SLC4A4: variants seen among roughly 807,000 people sequenced by gnomAD.
SLC4A4 encodes electrogenic sodium bicarbonate cotransporter 1.
In SLC4A4, 27 loss-of-function variants were observed where a neutral mutation model predicts 111.5. The ratio of observed to expected loss-of-function variants is 0.24; its 90% CI spans 0.18 to 0.33. The LOEUF (loss-of-function observed/expected upper bound fraction) is 0.33. Among genes scored for constraint, SLC4A4 ranks in the 10% least tolerant of loss-of-function variants. The pLI is 1.00. For missense variants in SLC4A4, 909 were observed against 1,315.5 expected (o/e 0.69, Z 4.78); for synonymous variants, 443 against 463.4 (o/e 0.96, Z 0.57).
chr4:71,410,207 G>C (rs1721245430), intron 7 of SLC4A4, among the ~76,000 whole-genome samples: 1 of 152,150 alleles, frequency 6.6e-6, no homozygotes, highest in Admixed American at 6.5e-5. Context: ...GTGAGAAGAG[G>C]GCTACTGTCC....
chr4:71,457,766 A>G (rs1229725075), intron 12 of SLC4A4, among the ~76,000 whole-genome samples: 1 of 152,074 alleles, frequency 6.6e-6, no homozygotes, highest in African/African-American at 2.4e-5. Context: ...TATTGCAGTC[A>G]TTCCTCGATA....
chr4:71,309,880 C>G (rs1210591104), intron 3 of SLC4A4, among the ~76,000 whole-genome samples: 4 of 151,630 alleles, frequency 2.6e-5, no homozygotes, highest in African/African-American at 9.7e-5. Context: ...AATAATAAAC[C>G]CCTCTGAGCT....
At position 71,447,721 on chromosome 4, in the gene SLC4A4, G is replaced by C. The variant is rs764872554; in HGVS notation, c.1041G>C (p.Leu347=). The C allele has an allele frequency of 5.6e-6, 9 of 1,606,754 alleles. No individual in the cohort carries two copies. In the South Asian group the frequency reaches 6.6e-5, roughly 12 times the overall value. Residue 347 remains leucine (L), a synonymous_variant, in exon 9 of 26, where the codon CTG becomes CTC. Transcript: ENST00000264485. The part of the protein sequence containing the change: ...YHEIGRAIAT[L]MSDEVFHDIA... Reference sequence around the variant, plus strand: ...AGATTGGCAGAGCCATTGCCACCCTGATGTCTGATGAGGTAGGAAATCAGG... The same window carrying C: ...AGATTGGCAGAGCCATTGCCACCCTCATGTCTGATGAGGTAGGAAATCAGG...
chr4:71,470,742 C>T (rs561555005), intron 13 of SLC4A4, among the ~76,000 whole-genome samples: 1 of 152,106 alleles, frequency 6.6e-6, no homozygotes, highest in African/African-American at 2.4e-5. Flanking sequence ...AGGCTGGAGA[C>T]CCAGGGGAGC....
chr4:71,276,235 C>T (rs560784104), intron 3 of SLC4A4, among the ~76,000 whole-genome samples: 12 of 152,260 alleles, frequency 7.9e-5, no homozygotes, highest in Middle Eastern at 3.4e-3. Context: ...AGTCCATTTC[C>T]CCAATGGTTA....
chr4:71,161,326 A>G (rs1744611582), intron 2 of SLC4A4, among the ~76,000 whole-genome samples: 2 of 152,338 alleles, frequency 1.3e-5, no homozygotes, highest in South Asian at 4.1e-4. Context: ...ACGAACACTT[A>G]TTGCCCTAGC....
intron 13 of SLC4A4, among the ~76,000 whole-genome samples, chr4:71,471,753 C>G (rs1458586075): frequency 1.3e-5 from 2 of 151,880 alleles, no homozygotes; most frequent in African/African-American, 4.8e-5. Flanking sequence ...AGTTGTGAAT[C>G]TTGAACTATT....
At chr4:71,546,577 A>G in intron 19 of SLC4A4, 49 bp downstream of exon 19, 2 of 1,484,756 alleles carry the variant, frequency 1.3e-6, no homozygotes, top group South Asian at 1.1e-5. Flanking sequence ...CTGTGCACAC[A>G]TCTATGTGGC....
intron 6 of SLC4A4, among the ~76,000 whole-genome samples, chr4:71,393,567 A>G (rs1719515886): frequency 6.6e-6 from 1 of 152,210 alleles, no homozygotes; most frequent in Non-Finnish European, 1.5e-5. Flanking sequence ...TAGAATCTAT[A>G]TTGTGAAAAT....
intron 2 of SLC4A4, among the ~76,000 whole-genome samples, chr4:71,128,009 G>A (rs976285397): frequency 1.3e-5 from 2 of 152,202 alleles, no homozygotes; most frequent in African/African-American, 2.4e-5. Flanking sequence ...TCGCTTGAGC[G>A]TGGGAGGCAG....
intron 16 of SLC4A4, among the ~76,000 whole-genome samples, chr4:71,526,746 T>C (rs1004568397): frequency 2.6e-5 from 4 of 151,982 alleles, no homozygotes; most frequent in Admixed American, 2.6e-4. Context: ...TGGGCCTCAG[T>C]GGGCTAAAAT....
chr4:71,503,782 A>T (rs1168903002), intron 16 of SLC4A4, among the ~76,000 whole-genome samples: 1 of 152,120 alleles, frequency 6.6e-6, no homozygotes, highest in Non-Finnish European at 1.5e-5. Flanking sequence ...TGAGTTTTAT[A>T]CTTTCATGTA....
In SLC4A4 at chr4:71,195,230, GTTTTTTT is replaced by G. The variant is rs66527038; in HGVS notation, c.-2+7848_-2+7854del. Among the ~76,000 whole-genome samples the G allele has an allele frequency of 3.6e-3, 337 of 93,198 alleles. 5 individuals are homozygous for G. The highest frequency in any genetic ancestry group is 0.013 in the African/African-American group (319 of 25,072). The allele number at this position is 93,198 out of a possible 152,430, so 61.1% of individuals were successfully genotyped here. A position where few individuals can be genotyped will look rare whatever the true frequency, so the allele number is the denominator to read the frequency against. On this transcript the variant is annotated intron_variant, in intron 1 of 25. Transcript: ENST00000264485. ...TCTTTTCCTTTTTTCCTGTATTTGA[GTTTTTTT>G]TTTTTTTTTTTTTTTTTTAAAGAGC...
chr4:71,208,197 G>A lies in SLC4A4; in HGVS notation c.-2+20796G>A, dbSNP rs984008793. Among the ~76,000 whole-genome samples, 7 of 152,072 alleles carry A rather than the reference G, an allele frequency of 4.6e-5. No homozygotes were observed. The East Asian group carries it at 5.8e-4, about 13-fold the overall frequency. Reference sequence around the variant, plus strand: ...TATAATCCCAGCACTTTGGGAGGCCGAGGCAGGCGGATCACGAGGTCAGGA... The same window carrying A: ...TATAATCCCAGCACTTTGGGAGGCCAAGGCAGGCGGATCACGAGGTCAGGA... On this transcript the variant is annotated intron_variant, in intron 1 of 25. Coordinates refer to ENST00000264485, the MANE Select transcript of SLC4A4 (RefSeq NM_001098484.3).
chr4:71,116,930 C>T (rs368940706), intron 2 of SLC4A4, among the ~76,000 whole-genome samples: 7 of 146,348 alleles, frequency 4.8e-5, no homozygotes, highest in East Asian at 2.0e-4. Flanking sequence ...GCAACAAGAG[C>T]GAAACTCCAT....
chr4:71,110,374 C>G (rs1439530246), intron 2 of SLC4A4, among the ~76,000 whole-genome samples: 1 of 151,894 alleles, frequency 6.6e-6, no homozygotes, highest in South Asian at 2.1e-4. Flanking sequence ...GTTACCATGC[C>G]CAGCTAATTT....
chr4:71,112,367 G>A lies in SLC4A4; in HGVS notation c.-2+19575G>A, dbSNP rs981847786. ...CTCTCATGGATTACTCATATTATCT[G>A]AGTGTGAAAATAAATATAGTCGGGT... On this transcript the variant is annotated intron_variant, in intron 2 of 26. Coordinates refer to the SLC4A4 transcript ENST00000649996. Among the ~76,000 whole-genome samples the A allele has an allele frequency of 5.3e-5, 8 of 152,164 alleles. 1 individual carries two copies. Among genetic ancestry groups the A allele is most frequent in the Non-Finnish European group, 8.8e-5 (6 of 68,036 alleles).
intron 6 of SLC4A4, among the ~76,000 whole-genome samples, chr4:71,391,136 C>T (rs1719220404): frequency 6.6e-6 from 1 of 152,020 alleles, no homozygotes; most frequent in African/African-American, 2.4e-5. Context: ...TTTATGGTCC[C>T]AAGCAATGAA....
intron 14 of SLC4A4, among the ~76,000 whole-genome samples, chr4:71,486,466 C>A (rs1343829916): frequency 6.6e-6 from 1 of 151,392 alleles, no homozygotes; most frequent in Non-Finnish European, 1.5e-5. Flanking sequence ...CTTGTTTTCA[C>A]ACATTTTGCA....
Sources: allele counts gnomAD v4.1 joint callset (sites outside exome capture counted in the v4.1 genomes callset), GRCh38; gene constraint gnomAD v4.1.1; transcripts MANE v1.5; gene names NCBI Gene and HGNC (gene_info 2026-07-23, HGNC 2026-07-21).